EDARADD: variants seen among roughly 807,000 people sequenced by gnomAD.
The protein encoded by EDARADD is EDAR associated via death domain, also known as ectodysplasin-A receptor-associated adapter protein.
A neutral mutation model predicts 25.6 loss-of-function variants in EDARADD; 20 were observed. The observed-to-expected ratio is 0.78, with a 90% confidence interval of 0.55 to 1.14. EDARADD has a LOEUF of 1.14. EDARADD is among the 50% of genes most tolerant of loss of function. The probability of loss-of-function intolerance (pLI) is 0.00; values close to 1 mark genes in which losing one functional copy is unlikely to be tolerated. For missense variants in EDARADD, 225 were observed against 270.1 expected (o/e 0.83, Z 1.17); for synonymous variants, 86 against 94.4 (o/e 0.91, Z 0.52).
chr1:236,438,124 C>A (rs77555231), intron 4 of EDARADD, among the ~76,000 whole-genome samples: 1 of 94,484 alleles, frequency 1.1e-5, no homozygotes, highest in Non-Finnish European at 2.5e-5. Flanking sequence ...CCCTCTTTGT[C>A]TGTCTGTGTC....
At chr1:236,428,748 G>GGC (rs1164889475) in intron 4 of EDARADD, among the ~76,000 whole-genome samples, 2 of 149,760 alleles carry the variant, frequency 1.3e-5, no homozygotes, top group Admixed American at 6.7e-5. Flanking sequence ...GCCGGGCAGA[G>GGC]GCTGCAATCT....
At chr1:236,390,226 G>A (rs572882991), upstream of EDARADD, among the ~76,000 whole-genome samples, 306 of 152,238 alleles carry the variant, frequency 2.0e-3, 1 homozygote, top group African/African-American at 7.3e-3. Flanking sequence ...CTCCTCGGGT[G>A]ATGGGTGCAC....
At chr1:236,471,964 A>G (rs750472228) in intron 5 of EDARADD, among the ~76,000 whole-genome samples, 20 of 152,244 alleles carry the variant, frequency 1.3e-4, no homozygotes, top group Admixed American at 3.3e-4. Context: ...CATATTTTAT[A>G]ACCCGCCAGC....
intron 3 of EDARADD, among the ~76,000 whole-genome samples, chr1:236,352,869 G>A (rs769344297): frequency 6.6e-6 from 1 of 151,930 alleles, no homozygotes; most frequent in Non-Finnish European, 1.5e-5. Flanking sequence ...AATAAGCCAG[G>A]TGCAGTGGTG....
chr1:236,437,634 G>T (rs1334400637), intron 4 of EDARADD, among the ~76,000 whole-genome samples: 3 of 152,030 alleles, frequency 2.0e-5, no homozygotes, highest in Non-Finnish European at 4.4e-5. Context: ...GTGTATTAGG[G>T]CTGCCATAAC....
chr1:236,356,622 A>G (rs759993367), intron 3 of EDARADD, among the ~76,000 whole-genome samples: 16 of 152,228 alleles, frequency 1.1e-4, no homozygotes, highest in Non-Finnish European at 1.9e-4. Flanking sequence ...GGTAAAATTG[A>G]TAAAATGGCA....
In EDARADD at chr1:236,484,350, G is replaced by T; in HGVS notation, c.*1701G>T. The T allele has an allele frequency of 1.4e-6, 2 of 1,479,582 alleles. No individual in the cohort carries two copies. The highest frequency in any genetic ancestry group is 1.7e-5 in the Admixed American group (1 of 59,504). 91.7% of individuals were successfully genotyped at this position (1,479,582 alleles called of 1,614,324 possible). A position where few individuals can be genotyped will look rare whatever the true frequency, so the allele number is the denominator to read the frequency against. ...GCTGTGACCTGGGCAGCTCAAGACTGGTGCCCCTTGCTGATCTGAGCGCTT... is the reference window on the plus strand; with the variant it reads ...GCTGTGACCTGGGCAGCTCAAGACTTGTGCCCCTTGCTGATCTGAGCGCTT... On this transcript the variant is annotated 3_prime_UTR_variant, in exon 6 of 6. Transcript: ENST00000334232. This position sits in a 1 kb window ranked among gnomAD's most constrained non-coding sequence, Gnocchi z 4.1.
intron 3 of EDARADD, among the ~76,000 whole-genome samples, chr1:236,355,558 G>A (rs1276192227): frequency 7.7e-6 from 1 of 129,066 alleles, no homozygotes; most frequent in African/African-American, 2.9e-5. Flanking sequence ...CACCCAGGCT[G>A]GAGTGCAGTG....
intron 4 of EDARADD, among the ~76,000 whole-genome samples, chr1:236,433,544 C>T (rs913360567): frequency 3.3e-5 from 5 of 151,792 alleles, no homozygotes; most frequent in Non-Finnish European, 4.4e-5. Flanking sequence ...CTCCTGACCT[C>T]AGGTGATCCA....
intron 3 of EDARADD, among the ~76,000 whole-genome samples, chr1:236,377,718 C>T (rs777152926): frequency 7.3e-5 from 11 of 151,484 alleles, no homozygotes; most frequent in African/African-American, 2.2e-4. Flanking sequence ...ATTAGCTGGG[C>T]ATGGTGGCGC....
chr1:236,452,870 G>T (rs538306321), intron 4 of EDARADD, among the ~76,000 whole-genome samples: 1 of 152,190 alleles, frequency 6.6e-6, no homozygotes, highest in African/African-American at 2.4e-5. Flanking sequence ...CCTCCTATAG[G>T]ATGTCCCATT....
chr1:236,484,642 A>C lies in EDARADD; in HGVS notation c.*1993A>C. 1 of 480,982 alleles carries C rather than the reference A, an allele frequency of 2.1e-6. No individual in the cohort carries two copies. Among genetic ancestry groups the C allele is most frequent in the South Asian group, 2.0e-5 (1 of 49,274 alleles). The allele number at this position is 480,982 out of a possible 1,614,324, so 29.8% of individuals were successfully genotyped here. On this transcript the variant is annotated 3_prime_UTR_variant, in exon 6 of 6. Coordinates refer to ENST00000334232, the MANE Select transcript of EDARADD (RefSeq NM_145861.4). This position sits in a 1 kb window ranked among gnomAD's most constrained non-coding sequence, Gnocchi z 4.1. ...TCTTCCTTAGAACTTCTACAGAAGC[A>C]GGTTGCAGTGAGCCGAGATTGCGCC...
At chr1:236,445,982 T>C (rs1658526053) in intron 4 of EDARADD, among the ~76,000 whole-genome samples, 1 of 152,232 alleles carries the variant, frequency 6.6e-6, no homozygotes, top group African/African-American at 2.4e-5. Flanking sequence ...GGTCTAAGTA[T>C]CGGAGTGTCA....
chr1:236,393,450 C>T (rs1667458087), upstream of EDARADD, among the ~76,000 whole-genome samples: 1 of 120,206 alleles, frequency 8.3e-6, no homozygotes, highest in South Asian at 2.9e-4. Flanking sequence ...GGCTGGAGTG[C>T]CGTGGTGCAA....
chr1:236,394,773 T>C (rs569239140), intron 1 of EDARADD, among the ~76,000 whole-genome samples: 170 of 152,346 alleles, frequency 1.1e-3, no homozygotes, highest in African/African-American at 3.9e-3. Flanking sequence ...GTAGCAATCT[T>C]AAATATATTC....
intron 4 of EDARADD, among the ~76,000 whole-genome samples, chr1:236,434,571 T>A (rs1658192376): frequency 6.6e-6 from 1 of 152,168 alleles, no homozygotes; most frequent in Admixed American, 6.5e-5. Context: ...TCTTCAGCTA[T>A]CATCAGCATT....
chr1:236,375,238 T>C lies in EDARADD; in HGVS notation c.-6+24399T>C, dbSNP rs148798387. ...TTCCCTCCTATTTCTTAAATCATTATTGTAATTCATTTCACAGATACATAA... is the reference window on the plus strand; with the variant it reads ...TTCCCTCCTATTTCTTAAATCATTACTGTAATTCATTTCACAGATACATAA... On this transcript the variant is annotated intron_variant, in intron 3 of 7. Transcript: ENST00000439430. Among the ~76,000 whole-genome samples the C allele has an allele frequency of 3.8e-3, 583 of 152,282 alleles. 4 individuals are homozygous for C. Among genetic ancestry groups the C allele is most frequent in the Middle Eastern group, 6.8e-3 (2 of 294 alleles).
chr1:236,379,550 G>A (rs563257530), intron 3 of EDARADD, among the ~76,000 whole-genome samples: 2 of 151,956 alleles, frequency 1.3e-5, no homozygotes, highest in African/African-American at 4.8e-5. Context: ...AGGCCGAGGC[G>A]GGCAGATCAC....
At chr1:236,399,026 G>A (rs1667568499) in intron 1 of EDARADD, among the ~76,000 whole-genome samples, 1 of 152,110 alleles carries the variant, frequency 6.6e-6, no homozygotes, top group South Asian at 2.1e-4. Context: ...GGGAGAAAAA[G>A]CTCTTCCCGT....
Sources: allele counts gnomAD v4.1 joint callset (sites outside exome capture counted in the v4.1 genomes callset), GRCh38; gene constraint gnomAD v4.1.1; non-coding constraint Gnocchi (gnomAD v3.1); transcripts MANE v1.5; gene names NCBI Gene and HGNC (gene_info 2026-07-23, HGNC 2026-07-21).